The following STPG2 variants were observed in gnomAD, a reference collection of about 807,000 sequenced individuals.
STPG2 encodes sperm tail PG-rich repeat containing 2, also known as sperm-tail PG-rich repeat-containing protein 2.
A neutral mutation model predicts 54.2 loss-of-function variants in STPG2; 56 were observed. That is an observed-to-expected ratio of 1.03 (90% CI 0.83 to 1.29). The LOEUF is 1.29. Ranked by LOEUF, STPG2 falls within the 50% of genes most tolerant of loss-of-function variation. STPG2 has a pLI of 0.00. For synonymous variants in STPG2, 200 were observed against 181.8 expected (o/e 1.10, Z -0.81); for missense variants, 596 against 544.9 (o/e 1.09, Z -0.93).
chr4:97,984,422 G>A (rs115318080), intron 5 of STPG2, among the ~76,000 whole-genome samples: 3,798 of 152,206 alleles, frequency 0.025, 78 homozygotes, highest in Middle Eastern at 0.037. Flanking sequence ...TGGGATTACA[G>A]GCATGAACCA....
At chr4:98,069,089 A>C (rs1473691211) in intron 5 of STPG2, among the ~76,000 whole-genome samples, 1 of 152,060 alleles carries the variant, frequency 6.6e-6, no homozygotes, top group East Asian at 1.9e-4. Flanking sequence ...AAAATGTATT[A>C]AAATGTATAA....
intron 9 of STPG2, among the ~76,000 whole-genome samples, chr4:97,773,310 T>C (rs1056859979): frequency 6.6e-6 from 1 of 152,070 alleles, no homozygotes. Context: ...AATTACTGTA[T>C]AATTTATTAT....
At chr4:97,709,014 C>G (rs1369275850) in intron 10 of STPG2, among the ~76,000 whole-genome samples, 1 of 151,650 alleles carries the variant, frequency 6.6e-6, no homozygotes, top group East Asian at 1.9e-4. Context: ...ACAGATTTTT[C>G]TCTTGTGCCT....
chr4:97,752,978 G>A lies in STPG2; in HGVS notation c.1205-40164C>T, dbSNP rs113620499. On this transcript the variant is annotated intron_variant, in intron 9 of 10. Transcript: ENST00000295268. ...TGCCATGTCAATCTCCTCTGCAAAT[G>A]TGATGCAAAGAAAATATTCAACCAT... Among the ~76,000 whole-genome samples, 491 of 151,932 alleles carry A rather than the reference G, an allele frequency of 3.2e-3. 14 individuals are homozygous for A. In the East Asian group the frequency reaches 0.085, roughly 26 times the overall value.
chr4:97,862,421 T>C (rs1343221696), intron 8 of STPG2, among the ~76,000 whole-genome samples: 3 of 151,970 alleles, frequency 2.0e-5, no homozygotes, highest in Admixed American at 6.6e-5. Flanking sequence ...ATGCACCCAA[T>C]ACAAGAGCAC....
chr4:98,074,480 T>C (rs952696453), intron 5 of STPG2, among the ~76,000 whole-genome samples: 1 of 126,584 alleles, frequency 7.9e-6, no homozygotes, highest in Non-Finnish European at 1.8e-5. Context: ...TCATCCCTTT[T>C]GGCATATGAC....
At chr4:97,572,303 A>G (rs1732621013) in intron 10 of STPG2, among the ~76,000 whole-genome samples, 1 of 152,174 alleles carries the variant, frequency 6.6e-6, no homozygotes, top group African/African-American at 2.4e-5. Flanking sequence ...AGTTTCCAAC[A>G]AACTATTTTC....
chr4:97,790,270 C>T (rs1287986841), intron 9 of STPG2, among the ~76,000 whole-genome samples: 2 of 152,008 alleles, frequency 1.3e-5, no homozygotes, highest in East Asian at 3.9e-4. Context: ...TCCAGAGATC[C>T]CTTATCTTTG....
intron 7 of STPG2, among the ~76,000 whole-genome samples, chr4:97,949,424 A>G (rs1380885445): frequency 2.0e-5 from 3 of 152,102 alleles, no homozygotes; most frequent in Non-Finnish European, 4.4e-5. Flanking sequence ...CGTTCAACAT[A>G]ATATCAAGAT....
Position 98,134,454 on chromosome 4 carries a change from T to C in STPG2, c.115A>G (p.Asn39Asp). The C allele has an allele frequency of 1.3e-6, 2 of 1,558,214 alleles. No homozygotes were observed. The highest frequency in any genetic ancestry group is 1.7e-6 in the Non-Finnish European group (2 of 1,148,420). Reference sequence around the variant, plus strand: ...GCAGTCAAAGAAAGAAATGGTGCATTACTACCTATAAAAATAAAATCATAT... The same window carrying C: ...GCAGTCAAAGAAAGAAATGGTGCATCACTACCTATAAAAATAAAATCATAT... ...PFLKQQATGS[N>D]APFLSLTARE... The change falls in exon 2 of 11, where the codon AAT becomes GAT. Residue 39 changes from asparagine (N) to aspartate (D), a missense_variant. Coordinates refer to ENST00000295268, the MANE Select transcript of STPG2 (RefSeq NM_174952.3).
At chr4:98,028,184 C>G (rs1193009102) in intron 5 of STPG2, among the ~76,000 whole-genome samples, 3 of 152,232 alleles carry the variant, frequency 2.0e-5, no homozygotes, top group Non-Finnish European at 4.4e-5. Context: ...CTCCCCAGAA[C>G]TCGCTTTCCT....
At chr4:97,636,823 C>A (rs890082507) in intron 10 of STPG2, among the ~76,000 whole-genome samples, 2 of 151,584 alleles carry the variant, frequency 1.3e-5, no homozygotes, top group Non-Finnish European at 2.9e-5. Flanking sequence ...AGACCAATAA[C>A]AGGATCTGAA....
chr4:97,679,844 T>G (rs1360563072), intron 10 of STPG2, among the ~76,000 whole-genome samples: 1 of 152,146 alleles, frequency 6.6e-6, no homozygotes, highest in Non-Finnish European at 1.5e-5. Flanking sequence ...TTTCTACATA[T>G]GGCTAGCCAG....
intron 4 of STPG2, among the ~76,000 whole-genome samples, chr4:97,544,855 T>C (rs959366531): frequency 2.0e-5 from 3 of 152,108 alleles, no homozygotes; most frequent in Non-Finnish European, 4.4e-5. Flanking sequence ...AGACACATCA[T>C]AGATATTTCA....
In STPG2 at chr4:97,719,679, C is replaced by T. The variant is rs529508545; in HGVS notation, c.1205-6865G>A. Among the ~76,000 whole-genome samples, 51 of 151,948 alleles carry T rather than the reference C, an allele frequency of 3.4e-4. 2 individuals carry two copies. Among genetic ancestry groups the T allele is most frequent in the South Asian group, 8.3e-4 (4 of 4,828 alleles). Reference sequence around the variant, plus strand: ...TATCTGAATCTTATGTGCCTGCCTACGGTAGAGCCTCTATAAATGCTTATT... The same window carrying T: ...TATCTGAATCTTATGTGCCTGCCTATGGTAGAGCCTCTATAAATGCTTATT... On this transcript the variant is annotated intron_variant, in intron 9 of 10. Transcript: ENST00000295268.
At chr4:97,538,372 G>A (rs1041638881) in intron 4 of STPG2, among the ~76,000 whole-genome samples, 1 of 152,192 alleles carries the variant, frequency 6.6e-6, no homozygotes, top group Non-Finnish European at 1.5e-5. Flanking sequence ...GAAAACCCAT[G>A]GCACAACAAC....
intron 5 of STPG2, among the ~76,000 whole-genome samples, chr4:98,089,297 T>C (rs1342549592): frequency 2.0e-5 from 3 of 152,120 alleles, no homozygotes; most frequent in Admixed American, 6.5e-5. Context: ...AGTGAGAACA[T>C]ACAATATTCG....
rs575992045 is a variant in STPG2 at position 97,553,204 on chromosome 4, T to C, written c.462+159495A>G. ...AGATAAGTGGCTAAACTGCAATGAGTGGTTTTGTTGAACACATTCCTATTA... is the reference window on the plus strand; with the variant it reads ...AGATAAGTGGCTAAACTGCAATGAGCGGTTTTGTTGAACACATTCCTATTA... On this transcript the variant is annotated intron_variant, in intron 4 of 4. Transcript: ENST00000522676. 6.6e-5 allele frequency among the ~76,000 whole-genome samples: 10 copies of C among 152,290 alleles called. No individual in the cohort carries two copies. In the South Asian group the frequency reaches 2.1e-3, roughly 32 times the overall value.
At chr4:97,584,856 T>C (rs1477541119) in intron 10 of STPG2, among the ~76,000 whole-genome samples, 1 of 151,452 alleles carries the variant, frequency 6.6e-6, no homozygotes, top group Non-Finnish European at 1.5e-5. Flanking sequence ...GGTAGCAAGA[T>C]TAAAATAGTA....
Sources: allele counts gnomAD v4.1 joint callset (sites outside exome capture counted in the v4.1 genomes callset), GRCh38; gene constraint gnomAD v4.1.1; transcripts MANE v1.5; gene names NCBI Gene and HGNC (gene_info 2026-07-23, HGNC 2026-07-21).